GFRA3: variants seen among roughly 807,000 people sequenced by gnomAD.
GFRA3 encodes GDNF family receptor alpha 3, also known as GDNF family receptor alpha-3.
Under a neutral mutation model 40.0 loss-of-function variants are expected in GFRA3, and 24 were observed. That is an observed-to-expected ratio of 0.60 (90% CI 0.43 to 0.84). GFRA3 has a LOEUF of 0.84. Ranked by LOEUF, GFRA3 falls within the 40% of genes least tolerant of loss-of-function variation. The probability of loss-of-function intolerance (pLI) is 0.00; values close to 1 mark genes in which losing one functional copy is unlikely to be tolerated. For synonymous variants in GFRA3, 203 were observed against 213.5 expected (o/e 0.95, Z 0.43); for missense variants, 405 against 530.6 (o/e 0.76, Z 2.33).
chr5:138,266,153 T>C (rs1214422637), intron 1 of GFRA3, among the ~76,000 whole-genome samples: 1 of 152,244 alleles, frequency 6.6e-6, no homozygotes, highest in African/African-American at 2.4e-5. Flanking sequence ...AGTATTTGTT[T>C]GAACACCTGT....
chr5:138,253,511 T>G (rs1755581119), intron 6 of GFRA3, 136 bp from the exon 7 acceptor site: 2 of 700,040 alleles, frequency 2.9e-6, no homozygotes, highest in East Asian at 5.4e-5. Flanking sequence ...AGTGGGATAC[T>G]CTCTCATTCT....
chr5:138,268,946 G>GA (rs1197434774), intron 1 of GFRA3, among the ~76,000 whole-genome samples: 1 of 146,964 alleles, frequency 6.8e-6, no homozygotes, highest in African/African-American at 2.5e-5. Context: ...AAAAGAAAAA[G>GA]AAAAAAACAA....
chr5:138,253,110 A>G (rs1162297747), intron 7 of GFRA3, 53 bp from the exon 8 acceptor site: 5 of 1,037,090 alleles, frequency 4.8e-6, no homozygotes, highest in East Asian at 2.4e-5. Context: ...TAGCCCTTTC[A>G]CTACCTCAGC....
At chr5:138,253,694 G>C (rs1251884685) in intron 6 of GFRA3, 72 bp downstream of exon 6, 2 of 1,438,480 alleles carry the variant, frequency 1.4e-6, no homozygotes, top group Non-Finnish European at 1.9e-6. Context: ...GGGCCACAGA[G>C]TCGACCCTTT....
intron 4 of GFRA3, among the ~76,000 whole-genome samples, chr5:138,255,525 T>A (rs1213154549): frequency 6.6e-6 from 1 of 152,210 alleles, no homozygotes; most frequent in Non-Finnish European, 1.5e-5. Context: ...ACCTTACCAA[T>A]CTCCCATGTC....
At chr5:138,274,044 AC>A (rs1755913548) in intron 1 of GFRA3, among the ~76,000 whole-genome samples, 1 of 152,074 alleles carries the variant, frequency 6.6e-6, no homozygotes, top group South Asian at 2.1e-4. Context: ...TTGTTCTGTG[AC>A]TGTGTAGACC....
intron 2 of GFRA3, among the ~76,000 whole-genome samples, chr5:138,260,642 GCCTGTAAT>G (rs1755696714): frequency 6.6e-6 from 1 of 152,126 alleles, no homozygotes; most frequent in African/African-American, 2.4e-5. Flanking sequence ...GGTGGCGCAT[GCCTGTAAT>G]CCCAGCTACC....
chr5:138,272,197 G>A (rs1359687749), intron 1 of GFRA3, among the ~76,000 whole-genome samples: 1 of 150,372 alleles, frequency 6.7e-6, no homozygotes, highest in Non-Finnish European at 1.5e-5. Flanking sequence ...TAGTAGCGAC[G>A]GGGATTCACT....
intron 4 of GFRA3, 24 bp from the exon 5 acceptor site, chr5:138,254,184 TTTC>T: frequency 7.5e-7 from 1 of 1,340,618 alleles, no homozygotes; most frequent in Non-Finnish European, 1.1e-6. Context: ...AATTTCTGTC[TTTC>T]TTTTTTTTTT....
chr5:138,258,090 C>A, intron 3 of GFRA3, 139 bp from the exon 4 acceptor site: 1 of 708,858 alleles, frequency 1.4e-6, no homozygotes, highest in Non-Finnish European at 2.5e-6. Context: ...CATGAATAAA[C>A]CCACTCCTAA....
chr5:138,257,631 C>G lies in GFRA3; in HGVS notation c.785+8G>C. 6.2e-7 allele frequency: 1 copy of G among 1,606,088 alleles called. No homozygotes were observed. The highest frequency in any genetic ancestry group is 1.1e-5 in the South Asian group (1 of 90,486). On this transcript the variant is annotated splice_region_variant and intron_variant, in intron 4 of 7. Transcript: ENST00000274721. ...TCCCTGCCCACCCTGTCCTCCCAAA[C>G]TACACACCTGCAAAGCGGGTCGGAG...
intron 3 of GFRA3, among the ~76,000 whole-genome samples, chr5:138,258,250 G>A (rs949443437): frequency 4.6e-5 from 6 of 130,830 alleles, no homozygotes; most frequent in Admixed American, 1.9e-4. Context: ...GCGTGATCTC[G>A]GCTCACTGCA....
intron 1 of GFRA3, among the ~76,000 whole-genome samples, chr5:138,271,909 T>TGTGTGTGTGTG (rs61550132): frequency 0.014 from 1,411 of 98,596 alleles, 5 homozygotes; most frequent in East Asian, 0.026. Context: ...TTTTTTTTTT[T>TGTGTGTGTGTG]TTTTTGTGTG....
At position 138,264,415 on chromosome 5, in the gene GFRA3, C is replaced by T. The variant is rs777229925; in HGVS notation, c.225G>A (p.Leu75=). 3.7e-6 allele frequency: 6 copies of T among 1,613,998 alleles called. No homozygotes were observed. In the East Asian group the frequency reaches 1.3e-4, roughly 36 times the overall value. ...DSCTSSISTP[L]PSEEPSVPAD... is the part of the protein sequence containing the mutation. Reference sequence around the variant, plus strand: ...CAGGGACCGAAGGCTCCTCTGAGGGCAGTGGGGTGCTTATGCTAGAGGTGC... The same window carrying T: ...CAGGGACCGAAGGCTCCTCTGAGGGTAGTGGGGTGCTTATGCTAGAGGTGC... The change falls in exon 2 of 8, where the codon CTG becomes CTA. Residue 75 remains leucine, a synonymous_variant. Transcript: ENST00000274721.
intron 4 of GFRA3, among the ~76,000 whole-genome samples, chr5:138,256,057 A>G (rs4835771): frequency 0.97 from 147,518 of 151,660 alleles, 71,886 homozygotes; most frequent in East Asian, 1. Flanking sequence ...GCGAAATCCC[A>G]TCTCTACTGA....
At chr5:138,264,636 CT>C in intron 1 of GFRA3, 88 bp from the exon 2 acceptor site, 2 of 863,408 alleles carry the variant, frequency 2.3e-6, no homozygotes, top group Non-Finnish European at 3.6e-6. Context: ...AGGGATATTC[CT>C]GATGAAACTT....
intron 4 of GFRA3, 23 bp from the exon 5 acceptor site, chr5:138,254,183 C>A: frequency 2.5e-5 from 31 of 1,219,886 alleles, no homozygotes; most frequent in Non-Finnish European, 3.6e-5. Flanking sequence ...AAATTTCTGT[C>A]TTTCTTTTTT....
chr5:138,259,953 C>T (rs772620762), intron 2 of GFRA3, among the ~76,000 whole-genome samples: 172 of 152,216 alleles, frequency 1.1e-3, no homozygotes, highest in Non-Finnish European at 1.8e-3. Context: ...CGCGATGGTG[C>T]TCAGCACACA....
chr5:138,259,661 G>A lies in GFRA3; in HGVS notation c.380-12C>T. 5 of 1,165,188 alleles carry A rather than the reference G, an allele frequency of 4.3e-6. No individual in the cohort carries two copies. Among genetic ancestry groups the A allele is most frequent in the Non-Finnish European group, 6.5e-6 (5 of 769,366 alleles). 72.2% of individuals were successfully genotyped at this position (1,165,188 alleles called of 1,614,324 possible). On this transcript the variant is annotated splice_polypyrimidine_tract_variant and intron_variant, in intron 2 of 7. Coordinates refer to ENST00000274721, the MANE Select transcript of GFRA3 (RefSeq NM_001496.4). ...CAGCTCATAGTTACCTAGAGACAAG[G>A]TGGGGAGCACCAGAATGCTGAGGAC... is the stretch of plus-strand genomic sequence containing the variant.
Sources: allele counts gnomAD v4.1 joint callset (sites outside exome capture counted in the v4.1 genomes callset), GRCh38; gene constraint gnomAD v4.1.1; transcripts MANE v1.5; gene names NCBI Gene and HGNC (gene_info 2026-07-23, HGNC 2026-07-21).